The following OR9Q1 variants were observed in gnomAD, a reference collection of about 807,000 sequenced individuals.
OR9Q1 encodes olfactory receptor family 9 subfamily Q member 1, also known as olfactory receptor 9Q1.
For missense variants in OR9Q1, 374 were observed against 378.8 expected (o/e 0.99, Z 0.11); for synonymous variants, 153 against 148.6 (o/e 1.03, Z -0.22).
chr11:58,090,714 A>G (rs997456389), intron 2 of OR9Q1, among the ~76,000 whole-genome samples: 1 of 152,134 alleles, frequency 6.6e-6, no homozygotes, highest in African/African-American at 2.4e-5. Context: ...TTTAGAAGGA[A>G]TGGTACCAGC....
intron 2 of OR9Q1, among the ~76,000 whole-genome samples, chr11:58,173,471 A>AT (rs1378729669): frequency 1.3e-5 from 2 of 151,644 alleles, no homozygotes; most frequent in Non-Finnish European, 2.9e-5. Context: ...TGAACTCATC[A>AT]TTTTTTATGG....
At chr11:58,039,498 C>G (rs1170594509) in intron 1 of OR9Q1, among the ~76,000 whole-genome samples, 1 of 152,190 alleles carries the variant, frequency 6.6e-6, no homozygotes, top group Non-Finnish European at 1.5e-5. Flanking sequence ...CCCCAGGGAG[C>G]AACCCAGGAG....
chr11:58,042,104 AC>A (rs1341964086), intron 1 of OR9Q1, among the ~76,000 whole-genome samples: 19 of 152,294 alleles, frequency 1.2e-4, no homozygotes, highest in African/African-American at 4.3e-4. Flanking sequence ...CTCTTTTTAA[AC>A]CGTGCTACCC....
intron 2 of OR9Q1, among the ~76,000 whole-genome samples, chr11:58,106,072 C>T (rs1853836906): frequency 6.6e-6 from 1 of 151,904 alleles, no homozygotes; most frequent in South Asian, 2.1e-4. Context: ...TACCATTTAA[C>T]ATCCCCACAA....
intron 2 of OR9Q1, chr11:58,125,391 C>T (rs984999535): frequency 6.6e-6 from 1 of 152,068 alleles, no homozygotes; most frequent in Non-Finnish European, 1.5e-5. Flanking sequence ...TTTGTGTGGA[C>T]CTTACTTCAG....
intron 2 of OR9Q1, among the ~76,000 whole-genome samples, chr11:58,154,949 T>A (rs1415536151): frequency 6.6e-6 from 1 of 152,316 alleles, no homozygotes; most frequent in African/African-American, 2.4e-5. Context: ...AGGTCCTGTA[T>A]CAGCCAAGTT....
At chr11:58,098,486 A>C (rs1050833009) in intron 2 of OR9Q1, among the ~76,000 whole-genome samples, 1 of 152,064 alleles carries the variant, frequency 6.6e-6, no homozygotes, top group African/African-American at 2.4e-5. Flanking sequence ...AATCTTTTCA[A>C]GGGACAAAAA....
At chr11:58,179,064 G>A (rs1239070522) in intron 2 of OR9Q1, among the ~76,000 whole-genome samples, 1 of 140,172 alleles carries the variant, frequency 7.1e-6, no homozygotes, top group East Asian at 2.5e-4. Flanking sequence ...TGCCCAGGCT[G>A]GAGTGCAGTG....
intron 2 of OR9Q1, among the ~76,000 whole-genome samples, chr11:58,092,520 A>C (rs1233287573): frequency 6.6e-6 from 1 of 152,188 alleles, no homozygotes; most frequent in Non-Finnish European, 1.5e-5. Flanking sequence ...TTAATTCAAA[A>C]TATAAGTTCA....
intron 2 of OR9Q1, among the ~76,000 whole-genome samples, chr11:58,074,688 T>C (rs4939178): frequency 6.6e-6 from 1 of 152,148 alleles, no homozygotes; most frequent in Admixed American, 6.5e-5. Flanking sequence ...CCCATGCCTA[T>C]GTCCTGAGTG....
chr11:58,147,917 C>T (rs1326579605), intron 2 of OR9Q1, among the ~76,000 whole-genome samples: 1 of 152,098 alleles, frequency 6.6e-6, no homozygotes, highest in East Asian at 1.9e-4. Context: ...AGAATTCAGT[C>T]AGGAATTCTG....
At chr11:58,078,174 C>T (rs1355723592) in intron 2 of OR9Q1, 2 of 152,222 alleles carry the variant, frequency 1.3e-5, no homozygotes, top group African/African-American at 4.8e-5. Flanking sequence ...AGAAAAACAA[C>T]AACGACGACA....
At chr11:58,075,522 A>G (rs1489231796) in intron 2 of OR9Q1, 2 of 152,226 alleles carry the variant, frequency 1.3e-5, no homozygotes, top group Non-Finnish European at 2.9e-5. Context: ...TGCTTAGGTC[A>G]TGATAGCAGA....
chr11:58,046,679 T>C (rs11229232), intron 1 of OR9Q1, among the ~76,000 whole-genome samples: 21,141 of 152,056 alleles, frequency 0.14, 1,780 homozygotes, highest in South Asian at 0.22. Context: ...CTGGCCAACA[T>C]GGTGAAACCC....
chr11:58,137,837 A>G (rs1431175483), intron 2 of OR9Q1, among the ~76,000 whole-genome samples: 3 of 152,214 alleles, frequency 2.0e-5, no homozygotes, highest in Admixed American at 2.0e-4. Context: ...TTTATATAAA[A>G]TACCTAGAAC....
intron 2 of OR9Q1, among the ~76,000 whole-genome samples, chr11:58,164,457 TC>T: frequency 6.6e-6 from 1 of 151,876 alleles, no homozygotes; most frequent in East Asian, 1.9e-4. Context: ...AAGATTACAA[TC>T]AGTGAAAGAG....
At chr11:58,042,232 C>T (rs1853172309) in intron 1 of OR9Q1, among the ~76,000 whole-genome samples, 1 of 152,140 alleles carries the variant, frequency 6.6e-6, no homozygotes, top group Non-Finnish European at 1.5e-5. Context: ...GATCTCTTTC[C>T]TGGATGGTAA....
chr11:58,087,878 A>G (rs760111135), intron 2 of OR9Q1, among the ~76,000 whole-genome samples: 1 of 151,912 alleles, frequency 6.6e-6, no homozygotes, highest in Non-Finnish European at 1.5e-5. Context: ...ATGTCCCTAC[A>G]AAGGACATGA....
chr11:58,101,299 A>G (rs1031391253), intron 2 of OR9Q1, among the ~76,000 whole-genome samples: 3 of 151,952 alleles, frequency 2.0e-5, no homozygotes, highest in African/African-American at 7.2e-5. Flanking sequence ...GCCAACATTT[A>G]TTGTTTTTTG....
Sources: allele counts gnomAD v4.1 joint callset (sites outside exome capture counted in the v4.1 genomes callset), GRCh38; gene constraint gnomAD v4.1.1; transcripts MANE v1.5; gene names NCBI Gene and HGNC (gene_info 2026-07-23, HGNC 2026-07-21).